Variants in PCDH11Y observed in about 807,000 individuals in gnomAD.
PCDH11Y encodes protocadherin-11 Y-linked.
For missense variants in PCDH11Y, 12 were observed against 224.8 expected (o/e 0.05, Z 6.05); for synonymous variants, 9 against 83.6 (o/e 0.11, Z 4.87).
intron 1 of PCDH11Y, among the ~76,000 whole-genome samples, chrY:5,062,000 G>A: frequency 3.0e-5 from 1 of 33,058 alleles, no homozygotes; most frequent in Non-Finnish European, 7.5e-5. Flanking sequence ...TTTGTTTTGC[G>A]ATCTGGGGTT....
intron 4 of PCDH11Y, among the ~76,000 whole-genome samples, chrY:5,678,012 TCTTAA>T (rs2053554949): frequency 9.0e-5 from 3 of 33,412 alleles, no homozygotes; most frequent in South Asian, 6.5e-4. Flanking sequence ...CTTGCTGGTA[TCTTAA>T]CTTAATTGAT....
chrY:5,262,830 C>G, intron 2 of PCDH11Y, among the ~76,000 whole-genome samples: 3 of 32,425 alleles, frequency 9.3e-5, no homozygotes, highest in African/African-American at 2.4e-4. Context: ...GGCAGCCCCT[C>G]TAATCACAGG....
intron 1 of PCDH11Y, among the ~76,000 whole-genome samples, chrY:5,061,180 A>G: frequency 3.1e-5 from 1 of 32,697 alleles, no homozygotes; most frequent in Non-Finnish European, 7.5e-5. Flanking sequence ...CTCTTTAAAG[A>G]AAAAAAATCA....
intron 2 of PCDH11Y, among the ~76,000 whole-genome samples, chrY:5,494,847 G>T: frequency 3.1e-5 from 1 of 32,031 alleles, no homozygotes; most frequent in Non-Finnish European, 7.6e-5. Context: ...AGGAGTTCGA[G>T]ACCAGCCTGG....
At chrY:5,000,754 C>T in intron 1 of PCDH11Y, 149 bp downstream of exon 1, 1 of 29,989 alleles carries the variant, frequency 3.3e-5, no homozygotes, top group Admixed American at 2.9e-4. Flanking sequence ...ATTCTCCCTT[C>T]CCCCTTCTCT....
intron 2 of PCDH11Y, among the ~76,000 whole-genome samples, chrY:5,459,365 T>C: frequency 3.1e-5 from 1 of 32,514 alleles, no homozygotes; most frequent in Non-Finnish European, 7.7e-5. Context: ...TGGTACGTGT[T>C]TTTTTACTGT....
chrY:5,539,882 G>A (rs2053404644), intron 3 of PCDH11Y, among the ~76,000 whole-genome samples: 1 of 32,306 alleles, frequency 3.1e-5, no homozygotes, highest in Admixed American at 2.9e-4. Flanking sequence ...ATTCAAAAGC[G>A]ACCTTGGAGT....
intron 2 of PCDH11Y, among the ~76,000 whole-genome samples, chrY:5,460,775 A>G (rs2053302332): frequency 3.0e-5 from 1 of 33,685 alleles, no homozygotes; most frequent in South Asian, 6.5e-4. Flanking sequence ...TAGACTTTTT[A>G]CCAAAATTAA....
At chrY:5,716,569 CA>C (rs2053590127) in intron 4 of PCDH11Y, among the ~76,000 whole-genome samples, 1 of 32,272 alleles carries the variant, frequency 3.1e-5, no homozygotes, top group African/African-American at 1.2e-4. Flanking sequence ...AAAACACTGA[CA>C]AAAAAAATTT....
At chrY:5,121,569 C>T in intron 2 of PCDH11Y, among the ~76,000 whole-genome samples, 2 of 33,078 alleles carry the variant, frequency 6.0e-5, no homozygotes, top group African/African-American at 1.2e-4. Flanking sequence ...CCCTCACAGA[C>T]ACATGCAGGA....
intron 4 of PCDH11Y, among the ~76,000 whole-genome samples, chrY:5,630,445 C>T (rs2053511588): frequency 6.0e-5 from 2 of 33,183 alleles, no homozygotes; most frequent in African/African-American, 1.2e-4. Context: ...GTTGCATGGA[C>T]GGTGTCATTA....
chrY:5,043,849 G>A (rs2124624589), intron 3 of PCDH11Y, among the ~76,000 whole-genome samples: 1 of 33,417 alleles, frequency 3.0e-5, no homozygotes, highest in East Asian at 7.8e-4. Context: ...GAGAGTGTAC[G>A]TGTCAAGGAA....
At chrY:5,328,700 G>C in intron 2 of PCDH11Y, among the ~76,000 whole-genome samples, 3 of 32,481 alleles carry the variant, frequency 9.2e-5, no homozygotes, top group Admixed American at 5.7e-4. Flanking sequence ...GCTGGCAGGT[G>C]GGGGAGGGCT....
At chrY:5,283,839 G>T in intron 2 of PCDH11Y, among the ~76,000 whole-genome samples, 1 of 31,644 alleles carries the variant, frequency 3.2e-5, no homozygotes, top group Non-Finnish European at 7.8e-5. Flanking sequence ...CTATAATAAT[G>T]ATACCAACTC....
intron 4 of PCDH11Y, among the ~76,000 whole-genome samples, chrY:5,733,391 A>G: frequency 3.5e-5 from 1 of 28,803 alleles, no homozygotes; most frequent in East Asian, 9.0e-4. Context: ...GTGTGACTGT[A>G]GTGAATGCTG....
chrY:5,543,866 G>A (rs2053410309), intron 3 of PCDH11Y, among the ~76,000 whole-genome samples: 1 of 33,618 alleles, frequency 3.0e-5, no homozygotes. Flanking sequence ...TAATCATACT[G>A]CAGTTTGTCA....
chrY:5,068,698 C>G, intron 1 of PCDH11Y, among the ~76,000 whole-genome samples: 3 of 31,487 alleles, frequency 9.5e-5, no homozygotes, highest in African/African-American at 3.8e-4. Flanking sequence ...CCTGCCTCAG[C>G]CTCCTTAGAA....
At chrY:5,081,912 A>G in intron 1 of PCDH11Y, among the ~76,000 whole-genome samples, 1 of 32,405 alleles carries the variant, frequency 3.1e-5, no homozygotes, top group Non-Finnish European at 7.6e-5. Context: ...TATGTTGAAT[A>G]GGAGTGGTGA....
At chrY:5,440,758 T>G (rs2574070) in intron 2 of PCDH11Y, among the ~76,000 whole-genome samples, 95 of 14,217 alleles carry the variant, frequency 6.7e-3, no homozygotes, top group Non-Finnish European at 0.012. Context: ...TATATATATA[T>G]AGAGAGAGAG....
Sources: allele counts gnomAD v4.1 joint callset (sites outside exome capture counted in the v4.1 genomes callset), GRCh38; gene constraint gnomAD v4.1.1; transcripts MANE v1.5; gene names NCBI Gene and HGNC (gene_info 2026-07-23, HGNC 2026-07-21).